MKLN1: variants seen among roughly 807,000 people sequenced by gnomAD.
MKLN1 encodes muskelin.
MKLN1 carries 18 observed loss-of-function variants against 99.0 expected under a neutral mutation model. The ratio of observed to expected loss-of-function variants is 0.18; its 90% confidence interval spans 0.13 to 0.27. The LOEUF (loss-of-function observed/expected upper bound fraction) is 0.27, where lower values mean the gene tolerates loss of function less well. Among genes scored for constraint, MKLN1 ranks in the 10% least tolerant of loss-of-function variants. The pLI is 1.00. For synonymous variants in MKLN1, 288 were observed against 293.2 expected, an observed-to-expected ratio of 0.98 and a Z score of 0.18; for missense variants, 621 against 875.9, an observed-to-expected ratio of 0.71 and a Z score of 3.67.
At chr7:131,322,292 G>A (rs1798793884) in intron 3 of MKLN1, among the ~76,000 whole-genome samples, 1 of 152,176 alleles carries the variant, frequency 6.6e-6, no homozygotes, top group South Asian at 2.1e-4. Flanking sequence ...CTGAATGTTA[G>A]CATTTTAAAG....
At chr7:131,219,635 A>G (rs1022585371) in intron 3 of MKLN1, among the ~76,000 whole-genome samples, 3 of 152,168 alleles carry the variant, frequency 2.0e-5, no homozygotes, top group Admixed American at 6.5e-5. Context: ...GTGAAATGAA[A>G]TCATTATTAG....
Position 131,395,078 on chromosome 7 carries a change from G to T in MKLN1, c.401-2189G>T, listed in dbSNP as rs185125702. On this transcript the variant is annotated intron_variant, in intron 4 of 17. Coordinates refer to ENST00000352689, the MANE Select transcript of MKLN1 (RefSeq NM_013255.5). ...GTGTTGGGAATCAGTTAAGCTCACA[G>T]TGGTGGGTACTTATCTTCCAAAATT... 2.0e-5 allele frequency among the ~76,000 whole-genome samples: 3 copies of T among 152,152 alleles called. 1 individual carries two copies. The highest frequency in any genetic ancestry group is 2.0e-4 in the Admixed American group (3 of 15,292).
intron 3 of MKLN1, chr7:131,202,996 A>G (rs997901571): frequency 6.6e-6 from 1 of 152,238 alleles, no homozygotes; most frequent in African/African-American, 2.4e-5. Context: ...AATTCATCTA[A>G]CAAATTTGAA....
intron 2 of MKLN1, among the ~76,000 whole-genome samples, chr7:131,173,038 T>C (rs1796239436): frequency 6.6e-6 from 1 of 152,226 alleles, no homozygotes; most frequent in Admixed American, 6.5e-5. Flanking sequence ...TTAGTGAATA[T>C]GTGTTTTCCT....
intron 8 of MKLN1, among the ~76,000 whole-genome samples, chr7:131,416,981 A>C (rs1335373471): frequency 5.8e-5 from 8 of 137,398 alleles, no homozygotes; most frequent in African/African-American, 2.4e-4. Context: ...AACCCTGTCA[A>C]AAAAAAAAAA....
chr7:131,404,460 G>T (rs1479127955), intron 6 of MKLN1, among the ~76,000 whole-genome samples: 4 of 151,896 alleles, frequency 2.6e-5, no homozygotes, highest in Admixed American at 2.6e-4. Context: ...GACTATTGGT[G>T]CATGGTATCA....
chr7:131,163,842 A>C (rs1189066993), intron 2 of MKLN1, among the ~76,000 whole-genome samples: 1 of 152,164 alleles, frequency 6.6e-6, no homozygotes, highest in Non-Finnish European at 1.5e-5. Context: ...TTTTATTTGC[A>C]TTTTACATAT....
At chr7:131,288,279 G>A (rs141736639) in intron 3 of MKLN1, among the ~76,000 whole-genome samples, 1 of 152,238 alleles carries the variant, frequency 6.6e-6, no homozygotes, top group East Asian at 1.9e-4. Context: ...AGCGCCATGG[G>A]TTTGGCATTA....
intron 2 of MKLN1, among the ~76,000 whole-genome samples, chr7:131,189,440 T>C (rs1179545380): frequency 6.6e-6 from 1 of 152,122 alleles, no homozygotes; most frequent in Non-Finnish European, 1.5e-5. Flanking sequence ...CCTGGTATGA[T>C]ATGGCTGTCT....
At chr7:131,431,961 C>T (rs1342418098) in intron 9 of MKLN1, among the ~76,000 whole-genome samples, 2 of 152,148 alleles carry the variant, frequency 1.3e-5, no homozygotes, top group Non-Finnish European at 2.9e-5. Context: ...CTTTAAAACT[C>T]AGTTCAGACT....
At chr7:131,143,056 G>A (rs1257128003) in intron 2 of MKLN1, 6 of 602,072 alleles carry the variant, frequency 1.0e-5, no homozygotes, top group East Asian at 1.4e-4. Flanking sequence ...GATGTGACTG[G>A]AGTCCTCACT....
intron 2 of MKLN1, among the ~76,000 whole-genome samples, chr7:131,186,631 T>A (rs1796454698): frequency 6.6e-6 from 1 of 152,246 alleles, no homozygotes; most frequent in Non-Finnish European, 1.5e-5. Context: ...ACTGTCACTG[T>A]TTTATTTACT....
At chr7:131,410,322 T>C (rs993858494) in intron 6 of MKLN1, among the ~76,000 whole-genome samples, 2 of 152,180 alleles carry the variant, frequency 1.3e-5, no homozygotes, top group Non-Finnish European at 2.9e-5. Context: ...TTTTTTTAAA[T>C]ACAAATTTCT....
At chr7:131,182,175 A>G (rs1004575404) in intron 2 of MKLN1, among the ~76,000 whole-genome samples, 2 of 152,166 alleles carry the variant, frequency 1.3e-5, no homozygotes, top group Non-Finnish European at 2.9e-5. Context: ...AATAGAGTTA[A>G]TAGAGTTCAA....
At chr7:131,348,890 G>C (rs565210710) in intron 1 of MKLN1, among the ~76,000 whole-genome samples, 31 of 152,218 alleles carry the variant, frequency 2.0e-4, no homozygotes, top group African/African-American at 7.5e-4. Flanking sequence ...CGATTAATTG[G>C]TAGTTTTAGA....
chr7:131,476,251 A>G (rs1262473733), intron 16 of MKLN1, among the ~76,000 whole-genome samples: 2 of 152,238 alleles, frequency 1.3e-5, no homozygotes, highest in Non-Finnish European at 2.9e-5. Context: ...GAAATAATGT[A>G]TATTATTAGC....
intron 1 of MKLN1, among the ~76,000 whole-genome samples, chr7:131,372,656 AGTTT>A (rs1793500162): frequency 6.7e-6 from 1 of 150,228 alleles, no homozygotes; most frequent in Non-Finnish European, 1.5e-5. Flanking sequence ...CTCCATTGTT[AGTTT>A]ATTTACAGCT....
intron 2 of MKLN1, among the ~76,000 whole-genome samples, chr7:131,190,563 T>C (rs949542340): frequency 6.6e-6 from 1 of 151,442 alleles, no homozygotes; most frequent in African/African-American, 2.4e-5. Flanking sequence ...ATAGAGACTA[T>C]TTTTTTTTCT....
At chr7:131,405,110 G>C (rs1236855637) in intron 6 of MKLN1, among the ~76,000 whole-genome samples, 1 of 152,036 alleles carries the variant, frequency 6.6e-6, no homozygotes, top group African/African-American at 2.4e-5. Context: ...GTCTATAATT[G>C]TCTATAATCA....
Sources: gnomAD v4.1 joint callset for allele counts (sites outside exome capture counted in the v4.1 genomes callset) on GRCh38, gnomAD v4.1.1 for gene constraint, MANE v1.5 for transcripts, NCBI Gene and HGNC (gene_info 2026-07-23, HGNC 2026-07-21) for gene names.